NLGN4X: variants seen among roughly 807,000 people sequenced by gnomAD.
NLGN4X encodes neuroligin 4 X-linked.
Under a neutral mutation model 40.3 loss-of-function variants are expected in NLGN4X, and 3 were observed. That is an observed-to-expected ratio of 0.07 (90% confidence interval 0.03 to 0.19). The LOEUF is 0.19. Among genes scored for constraint, NLGN4X ranks in the 10% least tolerant of loss-of-function variants. The pLI is 1.00. For missense variants in NLGN4X, 382 were observed against 708.3 expected, an observed-to-expected ratio of 0.54 and a Z score of 5.23; for synonymous variants, 270 against 306.8, an observed-to-expected ratio of 0.88 and a Z score of 1.25.
At chrX:6,185,645 G>A (rs920144195) in intron 1 of NLGN4X, among the ~76,000 whole-genome samples, 2 of 112,275 alleles carry the variant, frequency 1.8e-5, no homozygotes, top group African/African-American at 6.5e-5. Flanking sequence ...TCATTAAAAA[G>A]TTCAGTGAAG....
Position 6,157,111 on chromosome X carries a change from C to T in NLGN4X, c.-305-5340G>A, listed in dbSNP as rs754952511. Among the ~76,000 whole-genome samples the T allele has an allele frequency of 4.0e-5, 3 of 75,121 alleles. No homozygotes were observed. In the East Asian group the frequency reaches 1.1e-3, roughly 27 times the overall value. The allele number at this position is 75,121 out of a possible 115,157, so 65.2% of individuals were successfully genotyped here. A position where few individuals can be genotyped will look rare whatever the true frequency, so the allele number is the denominator to read the frequency against. On this transcript the variant is annotated intron_variant, in intron 1 of 5. Coordinates refer to ENST00000381095, the MANE Select transcript of NLGN4X (RefSeq NM_181332.3). ...GTTTAGCCTGGGCAAATTAGCAAGA[C>T]CCCATCTCTTAAAAAAAAAAAGGAT...
intron 2 of NLGN4X, among the ~76,000 whole-genome samples, chrX:6,143,749 T>C (rs1009299602): frequency 5.4e-5 from 6 of 111,316 alleles, no homozygotes; most frequent in Non-Finnish European, 9.4e-5. Context: ...AACTCTGGAG[T>C]TTGAGATGAA....
intron 4 of NLGN4X, among the ~76,000 whole-genome samples, chrX:5,906,923 T>C (rs1027505093): frequency 9.9e-5 from 11 of 110,784 alleles, no homozygotes; most frequent in African/African-American, 3.6e-4. Context: ...CTACTAAAAA[T>C]ACAAAAATTA....
At chrX:6,164,498 G>A (rs2040461086) in intron 1 of NLGN4X, among the ~76,000 whole-genome samples, 1 of 112,347 alleles carries the variant, frequency 8.9e-6, no homozygotes, top group Non-Finnish European at 1.9e-5. Flanking sequence ...TCAACTGGCA[G>A]TGGGTCTGCA....
chrX:6,195,059 C>T (rs953173619), intron 1 of NLGN4X, among the ~76,000 whole-genome samples: 24 of 111,491 alleles, frequency 2.2e-4, no homozygotes, highest in African/African-American at 2.9e-4. Context: ...CATAGGTAAA[C>T]GTGTGCCATA....
intron 3 of NLGN4X, among the ~76,000 whole-genome samples, chrX:5,967,283 A>T (rs2034861506): frequency 8.9e-6 from 1 of 112,093 alleles, no homozygotes; most frequent in African/African-American, 3.2e-5. Flanking sequence ...ATATTTCAAA[A>T]ATGATGGTCA....
intron 2 of NLGN4X, among the ~76,000 whole-genome samples, chrX:6,096,054 A>C (rs780685631): frequency 8.9e-6 from 1 of 112,252 alleles, no homozygotes; most frequent in African/African-American, 3.2e-5. Flanking sequence ...CATAACACAG[A>C]GCTGTCTGTA....
At chrX:5,922,591 A>C (rs1159837641) in intron 3 of NLGN4X, among the ~76,000 whole-genome samples, 1 of 111,938 alleles carries the variant, frequency 8.9e-6, no homozygotes, top group Non-Finnish European at 1.9e-5. Context: ...GGCAGGGCGC[A>C]GTGGCTCACA....
At chrX:6,080,114 A>G (rs1247543119) in intron 2 of NLGN4X, among the ~76,000 whole-genome samples, 1 of 97,877 alleles carries the variant, frequency 1.0e-5, no homozygotes, top group Non-Finnish European at 2.0e-5. Context: ...AGAAACCAGA[A>G]AAAAAAAAAA....
intron 3 of NLGN4X, chrX:5,991,374 C>T (rs1362285662): frequency 4.0e-6 from 2 of 497,283 alleles, no homozygotes; most frequent in East Asian, 7.6e-5. Context: ...TGTCTAAGCC[C>T]AGAGAAGTGA....
chrX:6,033,429 C>A (rs2147234265), intron 2 of NLGN4X, among the ~76,000 whole-genome samples: 1 of 112,277 alleles, frequency 8.9e-6, no homozygotes, highest in African/African-American at 3.2e-5. Context: ...TTAAAATCTA[C>A]TACATGCAAT....
chrX:6,154,350 G>A (rs1321402495), intron 1 of NLGN4X, among the ~76,000 whole-genome samples: 1 of 111,813 alleles, frequency 8.9e-6, no homozygotes, highest in Non-Finnish European at 1.9e-5. Context: ...GTGTGTGTGT[G>A]AAAATATAGT....
At chrX:6,135,432 T>C (rs775333324) in intron 2 of NLGN4X, among the ~76,000 whole-genome samples, 1 of 111,826 alleles carries the variant, frequency 8.9e-6, no homozygotes, top group Non-Finnish European at 1.9e-5. Context: ...TCCTCTTCCA[T>C]GAAGCAGCCA....
chrX:6,051,900 G>A (rs1382688438), intron 2 of NLGN4X, among the ~76,000 whole-genome samples: 1 of 110,878 alleles, frequency 9.0e-6, no homozygotes, highest in Non-Finnish European at 1.9e-5. Flanking sequence ...GAAATAGGAT[G>A]GGATGCCATT....
rs6638576 is a variant in NLGN4X at position 5,920,651 on chromosome X, C to T, written c.626-11412G>A. Among the ~76,000 whole-genome samples, 194 of 111,653 alleles carry T rather than the reference C, an allele frequency of 1.7e-3. 10 individuals are homozygous for T. In the East Asian group the frequency reaches 0.044, roughly 26 times the overall value. On this transcript the variant is annotated intron_variant, in intron 3 of 5. Coordinates refer to ENST00000381095, the MANE Select transcript of NLGN4X (RefSeq NM_181332.3). The stretch of plus-strand genomic sequence containing the variant: ...TTTGGGTTCATGATAGGTTTGGATA[C>T]GTGTTTGTGAAGAGTGCAGCATCAT...
chrX:5,895,199 C>T (rs914606374), intron 5 of NLGN4X, among the ~76,000 whole-genome samples: 7 of 112,444 alleles, frequency 6.2e-5, no homozygotes, highest in Admixed American at 9.4e-5. Context: ...CAACTTTCTG[C>T]AGCTCTGGCT....
chrX:6,025,732 C>A (rs1398170471), intron 3 of NLGN4X, among the ~76,000 whole-genome samples: 1 of 109,632 alleles, frequency 9.1e-6, no homozygotes, highest in African/African-American at 3.3e-5. Flanking sequence ...GGCAAAACCC[C>A]GTCTCTACTA....
At chrX:6,104,745 C>A (rs2038996551) in intron 2 of NLGN4X, among the ~76,000 whole-genome samples, 2 of 111,355 alleles carry the variant, frequency 1.8e-5, no homozygotes, top group African/African-American at 6.5e-5. Context: ...GATCAGGAGT[C>A]CCTGAGATGG....
intron 2 of NLGN4X, chrX:6,032,779 G>C (rs2036904413): frequency 2.0e-6 from 2 of 1,018,553 alleles, no homozygotes; most frequent in African/African-American, 3.8e-5. Context: ...GGAAAATAAA[G>C]GGAAAAAAGA....
Sources: gnomAD v4.1 joint callset for allele counts (sites outside exome capture counted in the v4.1 genomes callset) on GRCh38, gnomAD v4.1.1 for gene constraint, MANE v1.5 for transcripts, NCBI Gene and HGNC (gene_info 2026-07-23, HGNC 2026-07-21) for gene names.